NDEL1: variants seen among roughly 807,000 people sequenced by gnomAD.
The protein encoded by NDEL1 is nuclear distribution protein nudE-like 1.
NDEL1 carries 9 observed loss-of-function variants against 45.7 expected under a neutral mutation model. The observed-to-expected ratio is 0.20, with a 90% CI of 0.12 to 0.34. The LOEUF (loss-of-function observed/expected upper bound fraction) is 0.34. NDEL1 is among the 10% of genes least tolerant of loss of function. The pLI, the probability that NDEL1 is intolerant of heterozygous loss-of-function variation, is 1.00. For synonymous variants in NDEL1, 133 were observed against 158.6 expected (o/e 0.84, Z 1.21); for missense variants, 306 against 406.2 (o/e 0.75, Z 2.12).
rs140681602 is a variant in NDEL1, at chr17:8,428,281, T to C, written c.-13+15012T>C. Among the ~76,000 whole-genome samples, 41 of 151,878 alleles carry C rather than the reference T, an allele frequency of 2.7e-4. No individual in the cohort carries two copies. The East Asian group carries it at 7.6e-3, about 28-fold the overall frequency. ...TGCTAATGAATGAAAGACTTTTCTC[T>C]CTATATAAAACCACTTCTCGCCTCA... On this transcript the variant is annotated intron_variant, in intron 1 of 4. Transcript: ENST00000582812.
At chr17:8,425,676 C>T (rs1182046699) in intron 1 of NDEL1, among the ~76,000 whole-genome samples, 2 of 152,010 alleles carry the variant, frequency 1.3e-5, no homozygotes, top group African/African-American at 4.8e-5. Context: ...ATAAATAAGT[C>T]ATGGCCGCTG....
chr17:8,421,431 A>G (rs965004945), intron 1 of NDEL1, among the ~76,000 whole-genome samples: 1 of 152,194 alleles, frequency 6.6e-6, no homozygotes, highest in Non-Finnish European at 1.5e-5. Flanking sequence ...TATCAAAGTC[A>G]GAGAAGGCAA....
At chr17:8,463,129 T>G (rs966876755) in intron 8 of NDEL1, 8 of 490,168 alleles carry the variant, frequency 1.6e-5, no homozygotes, top group East Asian at 1.1e-4. Flanking sequence ...GTGTGGTCGC[T>G]TGGAGTCTCT....
At chr17:8,432,628 C>A (rs1177418211), upstream of NDEL1, among the ~76,000 whole-genome samples, 1 of 151,874 alleles carries the variant, frequency 6.6e-6, no homozygotes, top group Non-Finnish European at 1.5e-5. Flanking sequence ...TCGTGATCCG[C>A]CTGCCTCGGC....
chr17:8,426,558 G>A (rs1161040345), intron 1 of NDEL1, among the ~76,000 whole-genome samples: 1 of 152,172 alleles, frequency 6.6e-6, no homozygotes, highest in Non-Finnish European at 1.5e-5. Flanking sequence ...TCCTTTTCTT[G>A]GGAGGCAGCT....
At chr17:8,449,303 AT>A (rs761293293) in intron 5 of NDEL1, among the ~76,000 whole-genome samples, 2 of 151,798 alleles carry the variant, frequency 1.3e-5, no homozygotes, top group African/African-American at 4.8e-5. Context: ...TTAAGAAAAC[AT>A]TTTTTTTGTG....
chr17:8,427,660 C>A (rs571508937), intron 1 of NDEL1, among the ~76,000 whole-genome samples: 3 of 152,122 alleles, frequency 2.0e-5, no homozygotes, highest in African/African-American at 7.2e-5. Flanking sequence ...GTGAGCCAAG[C>A]TCGCGCCACT....
At chr17:8,429,886 C>T (rs947621041) in intron 1 of NDEL1, among the ~76,000 whole-genome samples, 4 of 151,884 alleles carry the variant, frequency 2.6e-5, no homozygotes, top group Admixed American at 6.6e-5. Flanking sequence ...AGAAGAAATT[C>T]GAGGGAGAGA....
Position 8,467,561 on chromosome 17 carries a change from C to T in NDEL1, c.*538C>T, listed in dbSNP as rs1441574026. 1 of 222,064 alleles carries T rather than the reference C, an allele frequency of 4.5e-6. No homozygotes were observed. Among genetic ancestry groups the T allele is most frequent in the East Asian group, 9.3e-5 (1 of 10,706 alleles). 13.8% of individuals were successfully genotyped at this position (222,064 alleles called of 1,614,324 possible). A position where few individuals can be genotyped will look rare whatever the true frequency, so the allele number is the denominator to read the frequency against. On this transcript the variant is annotated 3_prime_UTR_variant, in exon 9 of 9. Transcript: ENST00000334527. The surrounding 1 kb of genome is among the most constrained non-coding windows in gnomAD (Gnocchi z 6.3). ...AGGTTACTGAATTAGGGAACATTTT[C>T]TGCACCTTCTGATTTTACTTAAGCA...
At chr17:8,447,903 C>A (rs746995494) in intron 4 of NDEL1, among the ~76,000 whole-genome samples, 1 of 147,994 alleles carries the variant, frequency 6.8e-6, no homozygotes, top group Non-Finnish European at 1.5e-5. Flanking sequence ...TATGTTAATA[C>A]CCTAGTAAAA....
At chr17:8,424,037 A>G (rs879929530) in intron 1 of NDEL1, among the ~76,000 whole-genome samples, 1 of 152,232 alleles carries the variant, frequency 6.6e-6, no homozygotes, top group Non-Finnish European at 1.5e-5. Context: ...TTACACGTTT[A>G]AGACATTTTT....
chr17:8,456,682 A>G (rs2151732353), intron 7 of NDEL1, among the ~76,000 whole-genome samples: 1 of 152,242 alleles, frequency 6.6e-6, no homozygotes, highest in East Asian at 1.9e-4. Flanking sequence ...TATTTTTAGT[A>G]GAGACGGGGT....
At chr17:8,420,588 TGGACGCTGTCCAGATGTA>T (rs947828579) in intron 1 of NDEL1, among the ~76,000 whole-genome samples, 9 of 152,258 alleles carry the variant, frequency 5.9e-5, no homozygotes, top group Admixed American at 3.3e-4. Flanking sequence ...CCCTGGGGCC[TGGACGCTGTCCAGATGTA>T]GGTCAAGTAA....
Position 8,442,924 on chromosome 17 carries a change from C to T in NDEL1, c.-12-1336C>T, listed in dbSNP as rs928656023. 5.3e-5 allele frequency among the ~76,000 whole-genome samples: 8 copies of T among 152,038 alleles called. No individual in the cohort carries two copies. The South Asian group carries it at 1.7e-3, about 32-fold the overall frequency. ...CCTCCCGAGTAGGTGGGACTACAGG[C>T]GCCTGCCACCACGCCCGGCTAATTT... On this transcript the variant is annotated intron_variant, in intron 1 of 8. Coordinates refer to ENST00000334527, the MANE Select transcript of NDEL1 (RefSeq NM_030808.5).
At chr17:8,450,132 A>G (rs1910380162) in intron 5 of NDEL1, among the ~76,000 whole-genome samples, 1 of 152,004 alleles carries the variant, frequency 6.6e-6, no homozygotes, top group Admixed American at 6.6e-5. Context: ...AAAATTCAAA[A>G]AAAAAAATTA....
At chr17:8,430,105 A>C (rs953690589) in intron 1 of NDEL1, among the ~76,000 whole-genome samples, 2 of 152,088 alleles carry the variant, frequency 1.3e-5, no homozygotes, top group Non-Finnish European at 2.9e-5. Flanking sequence ...GAATGATGGC[A>C]CCATTGGCAG....
rs1194553577 is a variant in NDEL1 at position 8,465,666 on chromosome 17, A to G, written c.945-1264A>G. The G allele has an allele frequency of 6.6e-6, 1 of 151,222 alleles. No individual in the cohort carries two copies. The highest frequency in any genetic ancestry group is 1.5e-5 in the Non-Finnish European group (1 of 67,896). 9.4% of individuals were successfully genotyped at this position (151,222 alleles called of 1,614,324 possible). ...TTTTTTTTAAGGAGAACCTCTCTCC[A>G]TGAGTCTGTATTTAGCTCCCTGGAG... On this transcript the variant is annotated intron_variant, in intron 8 of 8. Coordinates refer to ENST00000334527, the MANE Select transcript of NDEL1 (RefSeq NM_030808.5). This position sits in a 1 kb window ranked among gnomAD's most constrained non-coding sequence, Gnocchi z 4.9.
intron 1 of NDEL1, among the ~76,000 whole-genome samples, chr17:8,442,890 C>T (rs1407413983): frequency 6.6e-6 from 1 of 150,734 alleles, no homozygotes; most frequent in Admixed American, 6.6e-5. Context: ...CCCGGGTTCA[C>T]ACCATTCTCC....
intron 1 of NDEL1, among the ~76,000 whole-genome samples, chr17:8,426,661 C>T (rs948322837): frequency 3.9e-5 from 6 of 152,088 alleles, no homozygotes; most frequent in Admixed American, 2.6e-4. Flanking sequence ...TCAGGAAAAC[C>T]GTGAGGTTCC....
Sources: allele counts gnomAD v4.1 joint callset (sites outside exome capture counted in the v4.1 genomes callset), GRCh38; gene constraint gnomAD v4.1.1; non-coding constraint Gnocchi (gnomAD v3.1); transcripts MANE v1.5; gene names NCBI Gene and HGNC (gene_info 2026-07-23, HGNC 2026-07-21).